Variants in THAP6 observed in about 807,000 individuals in gnomAD.
THAP6 encodes THAP domain-containing protein 6.
THAP6 carries 13 observed loss-of-function variants against 20.0 expected under a neutral mutation model. The ratio of observed to expected loss-of-function variants is 0.65; its 90% CI spans 0.42 to 1.03. The LOEUF (loss-of-function observed/expected upper bound fraction) is 1.03, where lower values mean the gene tolerates loss of function less well. Among genes scored for constraint, THAP6 ranks in the 50% least tolerant of loss-of-function variants. THAP6 has a pLI of 0.00. For synonymous variants in THAP6, 93 were observed against 92.2 expected, an observed-to-expected ratio of 1.01 and a Z score of -0.05; for missense variants, 262 against 261.6, an observed-to-expected ratio of 1.00 and a Z score of -0.01.
chr4:75,539,720 C>G, intron 2 of THAP6: 1 of 1,322,802 alleles, frequency 7.6e-7, no homozygotes, highest in East Asian at 2.5e-5. Context: ...CTGAACTTCT[C>G]TGAGCACTTA....
intron 3 of THAP6, among the ~76,000 whole-genome samples, chr4:75,518,092 A>G (rs1725774663): frequency 6.6e-6 from 1 of 152,204 alleles, no homozygotes; most frequent in Non-Finnish European, 1.5e-5. Flanking sequence ...CGGTGCTAAT[A>G]AATATACAGT....
At chr4:75,542,309 G>A (rs1387357566) in intron 2 of THAP6, 6 of 618,882 alleles carry the variant, frequency 9.7e-6, no homozygotes, top group African/African-American at 7.3e-5. Flanking sequence ...ACTAAAGAAC[G>A]TGACTTCAGA....
rs200886095 is a variant in THAP6, at chr4:75,527,231, G to A, written c.*17G>A. 28 of 1,590,174 alleles carry A rather than the reference G, an allele frequency of 1.8e-5. No homozygotes were observed. Among genetic ancestry groups the A allele is most frequent in the East Asian group, 1.1e-4 (5 of 44,444 alleles). On this transcript the variant is annotated 3_prime_UTR_variant, in exon 5 of 5. Transcript: ENST00000311638. ...ATTTCATGAAATAATTTCATGTTAC[G>A]TTCCACCTAAAATTGTCATTGGTAC...
rs1726507550 is a variant in THAP6, at chr4:75,528,376, A to G, written c.*1162A>G. 1.0e-6 allele frequency: 1 copy of G among 985,452 alleles called. No homozygotes were observed. The highest frequency in any genetic ancestry group is 1.2e-6 in the Non-Finnish European group (1 of 829,942). 61.0% of individuals were successfully genotyped at this position (985,452 alleles called of 1,614,324 possible). A position where few individuals can be genotyped will look rare whatever the true frequency, so the allele number is the denominator to read the frequency against. On this transcript the variant is annotated 3_prime_UTR_variant, in exon 5 of 5. Coordinates refer to ENST00000311638, the MANE Select transcript of THAP6 (RefSeq NM_144721.6). ...AGAGTCATAAATACTGTGGGTTAGA[A>G]TAAAAACCATTTGCCAAAGCAACAC...
intron 2 of THAP6, among the ~76,000 whole-genome samples, chr4:75,539,485 T>C (rs1726949330): frequency 1.3e-5 from 2 of 152,172 alleles, no homozygotes; most frequent in Admixed American, 6.5e-5. Flanking sequence ...TCTGTGGCAA[T>C]TAAAGGTACT....
rs527900695 is a variant in THAP6 at position 75,527,077 on chromosome 4, C to T, written c.532C>T (p.Arg178Cys). 17 of 1,614,008 alleles carry T rather than the reference C, an allele frequency of 1.1e-5. No homozygotes were observed. The highest frequency in any genetic ancestry group is 1.7e-4 in the Middle Eastern group (1 of 6,060). The change falls in exon 5 of 5, where the codon CGT (arginine) becomes TGT (cysteine). Residue 178 changes from arginine to cysteine, a missense_variant. Physicochemically the swap from Arg to Cys is radical, Grantham distance 180 (BLOSUM62 -3). Transcript: ENST00000311638. ...SLRNVLDREK[R>C]FQKSLRKTIR... ...ACGGAATGTTTTAGACCGAGAAAAACGTTTTCAGAAATCATTGAGGAAGAC... is the reference window on the plus strand; with the variant it reads ...ACGGAATGTTTTAGACCGAGAAAAATGTTTTCAGAAATCATTGAGGAAGAC...
chr4:75,514,768 A>G (rs1357788599), intron 1 of THAP6: 1 of 158,136 alleles, frequency 6.3e-6, no homozygotes, highest in East Asian at 1.9e-4. Context: ...CTGCTCTTGG[A>G]CGCCAGGGTG....
chr4:75,522,187 A>G, intron 4 of THAP6: 1 of 311,402 alleles, frequency 3.2e-6, no homozygotes, highest in Non-Finnish European at 5.9e-6. Flanking sequence ...TCAGTCATAC[A>G]CATACAGAGT....
rs957813546 is a variant in THAP6, at chr4:75,527,638, A to G, written c.*424A>G. 57 of 1,001,938 alleles carry G rather than the reference A, an allele frequency of 5.7e-5. No homozygotes were observed. The highest frequency in any genetic ancestry group is 5.1e-4 in the Middle Eastern group (1 of 1,968). 62.1% of individuals were successfully genotyped at this position (1,001,938 alleles called of 1,614,324 possible). On this transcript the variant is annotated 3_prime_UTR_variant, in exon 5 of 5. Transcript: ENST00000311638. ...TTTTACTTTAAATGCATTTTACTACAAAGCACAATTCATTTGTAATGCATA... is the reference window on the plus strand; with the variant it reads ...TTTTACTTTAAATGCATTTTACTACGAAGCACAATTCATTTGTAATGCATA...
At position 75,515,537 on chromosome 4, in the gene THAP6, G is replaced by A. The variant is rs759471729; in HGVS notation, c.80+5G>A. ...AAAAGGACTGACATTTCACGTGTAA[G>A]ATTTTGCTGTAGTTAAGCCAAATAC... On this transcript the variant is annotated splice_donor_5th_base_variant and intron_variant, in intron 2 of 4. Transcript: ENST00000311638. 2.5e-6 allele frequency: 4 copies of A among 1,613,204 alleles called. No homozygotes were observed. In the East Asian group the frequency reaches 8.9e-5, roughly 36 times the overall value.
At chr4:75,516,489 G>A (rs1725646267) in intron 2 of THAP6, among the ~76,000 whole-genome samples, 1 of 152,078 alleles carries the variant, frequency 6.6e-6, no homozygotes, top group African/African-American at 2.4e-5. Flanking sequence ...CTTCAATTGT[G>A]GATCTTACTA....
chr4:75,523,188 CTGA>C (rs1383687710), intron 4 of THAP6, among the ~76,000 whole-genome samples: 1 of 152,178 alleles, frequency 6.6e-6, no homozygotes, highest in African/African-American at 2.4e-5. Context: ...TTGCATTTCT[CTGA>C]TGATCAGTGA....
downstream of THAP6, among the ~76,000 whole-genome samples, chr4:75,533,382 A>C (rs1279879196): frequency 6.6e-6 from 1 of 152,186 alleles, no homozygotes. Context: ...TTTTAGTCAA[A>C]GCCATTCAAC....
intron 1 of THAP6, 85 bp downstream of exon 1, chr4:75,514,605 C>A (rs1249701155): frequency 3.9e-6 from 1 of 258,674 alleles, no homozygotes; most frequent in Non-Finnish European, 7.4e-6. Context: ...TTGGCGGCAG[C>A]GGCGCGGAGA....
downstream of THAP6, among the ~76,000 whole-genome samples, chr4:75,530,240 C>A (rs1726637322): frequency 6.6e-6 from 1 of 152,148 alleles, no homozygotes; most frequent in African/African-American, 2.4e-5. Context: ...TCAAAACTGT[C>A]AGATATGATG....
At chr4:75,538,616 T>C (rs947562393) in intron 2 of THAP6, among the ~76,000 whole-genome samples, 6 of 152,208 alleles carry the variant, frequency 3.9e-5, no homozygotes, top group African/African-American at 1.4e-4. Context: ...GCCTGAGCCA[T>C]TGATGCCTCT....
Position 75,526,525 on chromosome 4 carries a change from G to A in THAP6, c.415-435G>A, listed in dbSNP as rs544037947. On this transcript the variant is annotated intron_variant, in intron 4 of 4. Transcript: ENST00000311638. ...GAGTCCTCTCTAAATCCCCAACACC[G>A]AGCCTGAGAACCTGCTGCAGTACTC... is the stretch of plus-strand genomic sequence containing the variant. 5.9e-5 allele frequency among the ~76,000 whole-genome samples: 9 copies of A among 152,150 alleles called. No individual in the cohort carries two copies. In the South Asian group the frequency reaches 6.2e-4, roughly 11 times the overall value.
Position 75,516,989 on chromosome 4 carries a change from T to G in THAP6, c.288+10T>G, listed in dbSNP as rs1725695859. The G allele has an allele frequency of 6.3e-6, 10 of 1,590,734 alleles. No homozygotes were observed. The highest frequency in any genetic ancestry group is 8.6e-6 in the Non-Finnish European group (10 of 1,164,826). On this transcript the variant is annotated intron_variant, in intron 3 of 4. Coordinates refer to ENST00000311638, the MANE Select transcript of THAP6 (RefSeq NM_144721.6). ...TCCATATCACCTACAGGTTTGTTTA[T>G]GAGATACTGTTTACCATCATTGCTC...
upstream of THAP6, chr4:75,514,447 C>T: frequency 2.6e-6 from 2 of 781,028 alleles, no homozygotes; most frequent in Non-Finnish European, 3.9e-6. Context: ...TTCCGGTTCC[C>T]GGGGCTACGA....
Sources: gnomAD v4.1 joint callset for allele counts (sites outside exome capture counted in the v4.1 genomes callset) on GRCh38, gnomAD v4.1.1 for gene constraint, MANE v1.5 for transcripts, NCBI Gene and HGNC (gene_info 2026-07-23, HGNC 2026-07-21) for gene names.